The following PHIP variants were observed in gnomAD, a reference collection of about 807,000 sequenced individuals.
The protein encoded by PHIP is PHIP subunit of CUL4-Ring ligase complex.
Under a neutral mutation model 236.8 loss-of-function variants are expected in PHIP, and 54 were observed. The ratio of observed to expected loss-of-function variants is 0.23; its 90% CI spans 0.18 to 0.29. PHIP has a LOEUF of 0.29. Ranked by LOEUF, PHIP falls within the 10% of genes least tolerant of loss-of-function variation. The pLI, the probability that PHIP is intolerant of heterozygous loss-of-function variation, is 1.00. For synonymous variants in PHIP, 756 were observed against 718.9 expected (o/e 1.05, Z -0.83); for missense variants, 1,370 against 2,190.8 (o/e 0.63, Z 7.48).
chr6:78,962,968 C>A (rs1766881643), intron 30 of PHIP, 129 bp downstream of exon 30: 2 of 686,178 alleles, frequency 2.9e-6, no homozygotes, highest in South Asian at 5.0e-5. Context: ...AAAAGAGATT[C>A]CACTTAAAAT....
intron 22 of PHIP, among the ~76,000 whole-genome samples, chr6:78,984,041 G>C (rs1438589462): frequency 6.6e-6 from 1 of 152,058 alleles, no homozygotes; most frequent in Non-Finnish European, 1.5e-5. Context: ...CAGATTTAAT[G>C]ATATATGACC....
intron 15 of PHIP, among the ~76,000 whole-genome samples, chr6:79,006,464 T>C (rs1370490875): frequency 6.6e-6 from 1 of 152,076 alleles, no homozygotes; most frequent in East Asian, 1.9e-4. Flanking sequence ...AAAGTATTTA[T>C]GAGTAAGAAT....
At position 78,935,905 on chromosome 6, in the gene PHIP, A is replaced by T. The variant is rs1297188540; in HGVS notation, c.*4788T>A. The T allele has an allele frequency of 9.3e-6, 2 of 214,564 alleles. No homozygotes were observed. Among genetic ancestry groups the T allele is most frequent in the African/African-American group, 4.7e-5 (2 of 42,566 alleles). The allele number at this position is 214,564 out of a possible 1,614,324, so 13.3% of individuals were successfully genotyped here. A position where few individuals can be genotyped will look rare whatever the true frequency, so the allele number is the denominator to read the frequency against. On this transcript the variant is annotated 3_prime_UTR_variant, in exon 40 of 40. Transcript: ENST00000275034. ...CAAGTTTTCTATTTATTTAAAAATA[A>T]GTTTGTAGTTACTACATTGCAGGGA...
At chr6:79,064,995 CAACCTTGGAAGCCAGA>C (rs1773556349) in intron 4 of PHIP, among the ~76,000 whole-genome samples, 1 of 152,148 alleles carries the variant, frequency 6.6e-6, no homozygotes, top group Non-Finnish European at 1.5e-5. Flanking sequence ...CCCATTTATC[CAACCTTGGAAGCCAGA>C]AACCAAGGAG....
intron 19 of PHIP, among the ~76,000 whole-genome samples, chr6:78,995,776 A>T (rs924423532): frequency 6.6e-6 from 1 of 152,158 alleles, no homozygotes; most frequent in Non-Finnish European, 1.5e-5. Flanking sequence ...CCTGTTGGGT[A>T]TGTCATTGGA....
chr6:79,069,176 T>A (rs1041189720), intron 4 of PHIP, among the ~76,000 whole-genome samples: 1 of 148,080 alleles, frequency 6.8e-6, no homozygotes, highest in South Asian at 2.1e-4. Context: ...TTAATTATAT[T>A]TTATTATTTA....
At chr6:79,052,601 A>G (rs1019577154) in intron 6 of PHIP, among the ~76,000 whole-genome samples, 2 of 152,240 alleles carry the variant, frequency 1.3e-5, no homozygotes, top group Admixed American at 6.5e-5. Flanking sequence ...TGGAAAGGAT[A>G]TAAGTAAAAG....
At position 78,937,495 on chromosome 6, in the gene PHIP, CT is replaced by C. The variant is rs1773320038; in HGVS notation, c.*3197del. 2.6e-5 allele frequency: 4 copies of C among 151,792 alleles called. No individual in the cohort carries two copies. In the South Asian group the frequency reaches 8.3e-4, roughly 31 times the overall value. The allele number at this position is 151,792 out of a possible 1,614,324, so 9.4% of individuals were successfully genotyped here. A position where few individuals can be genotyped will look rare whatever the true frequency, so the allele number is the denominator to read the frequency against. ...AAGATATTTTCTCTGATTACTGTAT[CT>C]TATGTAATTCATTTCCAAGTGATAA... On this transcript the variant is annotated 3_prime_UTR_variant, in exon 40 of 40. Coordinates refer to ENST00000275034, the MANE Select transcript of PHIP (RefSeq NM_017934.7).
chr6:79,020,691 T>G (rs1487696051), intron 9 of PHIP, among the ~76,000 whole-genome samples: 1 of 152,228 alleles, frequency 6.6e-6, no homozygotes, highest in Non-Finnish European at 1.5e-5. Flanking sequence ...TGAAGGGATA[T>G]CTGCACTCCC....
chr6:78,994,420 A>G (rs946143876), intron 19 of PHIP, among the ~76,000 whole-genome samples: 1 of 152,082 alleles, frequency 6.6e-6, no homozygotes, highest in African/African-American at 2.4e-5. Context: ...TACTAAAACT[A>G]CAAAAAATTA....
At chr6:79,073,356 T>C (rs185258560) in intron 4 of PHIP, among the ~76,000 whole-genome samples, 3 of 152,300 alleles carry the variant, frequency 2.0e-5, no homozygotes, top group African/African-American at 7.2e-5. Flanking sequence ...AACGACCATA[T>C]GAGATTAAAG....
intron 27 of PHIP, 49 bp downstream of exon 27, chr6:78,969,786 G>GAA: frequency 7.1e-6 from 6 of 846,446 alleles, no homozygotes; most frequent in South Asian, 1.9e-5. Flanking sequence ...CACTTACTAA[G>GAA]AAAAAAAAAC....
intron 15 of PHIP, among the ~76,000 whole-genome samples, chr6:79,012,513 T>C (rs535028915): frequency 2.0e-5 from 3 of 151,852 alleles, no homozygotes; most frequent in South Asian, 4.2e-4. Flanking sequence ...GCACTATATA[T>C]GACTAGACCC....
chr6:78,976,679 G>GA (rs1206465660), intron 24 of PHIP, among the ~76,000 whole-genome samples: 1 of 147,412 alleles, frequency 6.8e-6, no homozygotes, highest in African/African-American at 2.5e-5. Flanking sequence ...AAATTTACAA[G>GA]AAAAAAACAA....
intron 23 of PHIP, among the ~76,000 whole-genome samples, chr6:78,981,713 G>T (rs977330687): frequency 6.6e-6 from 1 of 151,930 alleles, no homozygotes; most frequent in African/African-American, 2.4e-5. Context: ...AGATGAAAAA[G>T]AATATTTACC....
At chr6:78,947,440 C>T (rs180803736) in intron 36 of PHIP, among the ~76,000 whole-genome samples, 183 bp downstream of exon 36, 3 of 152,260 alleles carry the variant, frequency 2.0e-5, no homozygotes, top group Admixed American at 2.0e-4. Flanking sequence ...TCAAAGATAA[C>T]ATCAATGTTA....
intron 8 of PHIP, 61 bp downstream of exon 8, chr6:79,025,882 A>T: frequency 8.1e-7 from 1 of 1,232,720 alleles, no homozygotes; most frequent in Non-Finnish European, 1.2e-6. Flanking sequence ...TGACTTCATT[A>T]AATTTACTTT....
intron 7 of PHIP, among the ~76,000 whole-genome samples, chr6:79,027,695 T>C (rs1280700499): frequency 2.0e-5 from 3 of 152,174 alleles, no homozygotes; most frequent in Non-Finnish European, 4.4e-5. Context: ...CCACTGTTAA[T>C]CAGCAGAGAT....
intron 9 of PHIP, among the ~76,000 whole-genome samples, chr6:79,023,336 G>C (rs746584830): frequency 3.3e-5 from 5 of 152,154 alleles, no homozygotes; most frequent in Non-Finnish European, 7.3e-5. Context: ...GAACTCAAGT[G>C]ATCCTCCTTC....
Sources: gnomAD v4.1 joint callset for allele counts (sites outside exome capture counted in the v4.1 genomes callset) on GRCh38, gnomAD v4.1.1 for gene constraint, MANE v1.5 for transcripts, NCBI Gene and HGNC (gene_info 2026-07-23, HGNC 2026-07-21) for gene names.